MTNR1B: variants seen among roughly 807,000 people sequenced by gnomAD.
MTNR1B encodes melatonin receptor 1B, also known as melatonin receptor type 1B.
MTNR1B carries 7 observed loss-of-function variants against 7.0 expected under a neutral mutation model. The ratio of observed to expected loss-of-function variants is 1.00; its 90% CI spans 0.57 to 1.88. MTNR1B has a LOEUF of 1.88. MTNR1B is among the 40% of genes most tolerant of loss of function. The pLI, the probability that MTNR1B is intolerant of heterozygous loss-of-function variation, is 0.00. For synonymous variants in MTNR1B, 226 were observed against 208.2 expected (o/e 1.09, Z -0.74); for missense variants, 478 against 486.5 (o/e 0.98, Z 0.16).
intron 1 of MTNR1B, chr11:92,972,470 A>G (rs1311723429): frequency 2.2e-6 from 1 of 455,734 alleles, no homozygotes; most frequent in Admixed American, 2.4e-5. Context: ...GGGATATCCT[A>G]TCTGTAGTGT....
At chr11:92,976,896 A>G (rs1858016443) in intron 1 of MTNR1B, among the ~76,000 whole-genome samples, 1 of 152,248 alleles carries the variant, frequency 6.6e-6, no homozygotes, top group Non-Finnish European at 1.5e-5. Context: ...AACAGAAATC[A>G]TGCTGTCAAC....
chr11:92,981,671 C>A lies in MTNR1B; in HGVS notation c.448C>A (p.Arg150=). 2 of 1,614,200 alleles carry A rather than the reference C, an allele frequency of 1.2e-6. No individual in the cohort carries two copies. Among genetic ancestry groups the A allele is most frequent in the Non-Finnish European group, 1.7e-6 (2 of 1,180,042 alleles). ...CATCTGCCACAGCATGGCCTACCAC[C>A]GAATCTACCGGCGCTGGCACACCCC... ...CYICHSMAYH[R]IYRRWHTPLH... is the part of the protein sequence containing the mutation. The change falls in exon 2 of 2, where the codon CGA becomes AGA. Residue 150 remains arginine (R), a synonymous_variant. Coordinates refer to ENST00000257068, the MANE Select transcript of MTNR1B (RefSeq NM_005959.5).
At chr11:92,977,668 T>A (rs546680102) in intron 1 of MTNR1B, among the ~76,000 whole-genome samples, 10 of 152,362 alleles carry the variant, frequency 6.6e-5, no homozygotes, top group Admixed American at 2.0e-4. Context: ...TTCTGGCCTT[T>A]CTTCCAGCTC....
At chr11:92,978,910 G>A (rs985095422) in intron 1 of MTNR1B, among the ~76,000 whole-genome samples, 1 of 152,188 alleles carries the variant, frequency 6.6e-6, no homozygotes, top group African/African-American at 2.4e-5. Flanking sequence ...CCGGCTCCCA[G>A]CAGCTCTTGA....
At position 92,969,686 on chromosome 11, in the gene MTNR1B, G is replaced by T. The variant is rs1168208867; in HGVS notation, c.-40G>T. On this transcript the variant is annotated 5_prime_UTR_variant, in exon 1 of 2. Coordinates refer to ENST00000257068, the MANE Select transcript of MTNR1B (RefSeq NM_005959.5). ...CTGCGCGCGCCCTGCGGCTGTCCGG[G>T]GCCGCGCGGTGGCCAAAGCACAGCG... 8.6e-6 allele frequency: 12 copies of T among 1,399,554 alleles called. No homozygotes were observed. Among genetic ancestry groups the T allele is most frequent in the Non-Finnish European group, 1.1e-5 (12 of 1,077,172 alleles). The allele number at this position is 1,399,554 out of a possible 1,614,324, so 86.7% of individuals were successfully genotyped here.
Position 92,969,716 on chromosome 11 carries a change from A to G in MTNR1B, c.-10A>G. On this transcript the variant is annotated 5_prime_UTR_variant, in exon 1 of 2. Transcript: ENST00000257068. ...CGCGGTGGCCAAAGCACAGCGCGGG[A>G]GAGTCTGCGATGTCAGAGAACGGCT... 1 of 1,466,306 alleles carries G rather than the reference A, an allele frequency of 6.8e-7. No individual in the cohort carries two copies. The highest frequency in any genetic ancestry group is 9.0e-7 in the Non-Finnish European group (1 of 1,109,336). The allele number at this position is 1,466,306 out of a possible 1,614,324, so 90.8% of individuals were successfully genotyped here.
chr11:92,980,699 GC>G (rs1179012853), intron 1 of MTNR1B, among the ~76,000 whole-genome samples: 5 of 152,160 alleles, frequency 3.3e-5, no homozygotes, highest in African/African-American at 1.2e-4. Context: ...AAGCAGGGAG[GC>G]CCCCCAGAGG....
intron 1 of MTNR1B, among the ~76,000 whole-genome samples, chr11:92,971,347 TAAG>T (rs149733705): frequency 0.012 from 1,847 of 152,280 alleles, 34 homozygotes; most frequent in African/African-American, 0.042. Context: ...ATAACATTAT[TAAG>T]AAGAAGTAAA....
intron 1 of MTNR1B, among the ~76,000 whole-genome samples, chr11:92,978,562 C>T (rs1858046877): frequency 6.6e-6 from 1 of 152,134 alleles, no homozygotes; most frequent in South Asian, 2.1e-4. Context: ...AACTGGATCT[C>T]CCCTTGACTA....
Position 92,970,000 on chromosome 11 carries a change from C to G in MTNR1B, c.223+52C>G, listed in dbSNP as rs1442821735. ...CTGGCATCGGGCCCTTCCTTGTCTTCTGATCTTGTCCCTGACCCCGGGATA... is the reference window on the plus strand; with the variant it reads ...CTGGCATCGGGCCCTTCCTTGTCTTGTGATCTTGTCCCTGACCCCGGGATA... On this transcript the variant is annotated intron_variant, in intron 1 of 1. Coordinates refer to ENST00000257068, the MANE Select transcript of MTNR1B (RefSeq NM_005959.5). The G allele has an allele frequency of 3.4e-6, 5 of 1,483,050 alleles. No individual in the cohort carries two copies. The Admixed American group carries it at 8.2e-5, about 24-fold the overall frequency. The allele number at this position is 1,483,050 out of a possible 1,614,324, so 91.9% of individuals were successfully genotyped here.
chr11:92,977,332 C>T (rs1022663710), intron 1 of MTNR1B, among the ~76,000 whole-genome samples: 1 of 152,144 alleles, frequency 6.6e-6, no homozygotes, highest in Non-Finnish European at 1.5e-5. Context: ...TAATTACAAG[C>T]TTACAATAAA....
chr11:92,982,909 ATAG>A (rs1313556768), downstream of MTNR1B: 1 of 137,454 alleles, frequency 7.3e-6, no homozygotes, highest in Middle Eastern at 4.2e-3. Flanking sequence ...TTACACACAC[ATAG>A]CCACCACATC....
intron 1 of MTNR1B, among the ~76,000 whole-genome samples, chr11:92,976,483 G>T (rs1279747175): frequency 6.6e-6 from 1 of 151,684 alleles, no homozygotes; most frequent in Non-Finnish European, 1.5e-5. Context: ...CTTGTTATAT[G>T]CCAGATTCAA....
Position 92,982,350 on chromosome 11 carries a change from T to G in MTNR1B, c.*38T>G. 6.3e-7 allele frequency: 1 copy of G among 1,585,228 alleles called. No homozygotes were observed. The highest frequency in any genetic ancestry group is 1.4e-5 in the African/African-American group (1 of 73,926). The stretch of plus-strand genomic sequence containing the variant: ...GCACACCAGCAGCATGACAAACTCA[T>G]GAAATGGTGGGAGAGAGTCTGCTGC... On this transcript the variant is annotated 3_prime_UTR_variant, in exon 2 of 2. Transcript: ENST00000257068.
intron 1 of MTNR1B, among the ~76,000 whole-genome samples, chr11:92,970,879 T>C (rs1196080174): frequency 1.3e-5 from 2 of 152,184 alleles, no homozygotes; most frequent in Non-Finnish European, 2.9e-5. Context: ...AAAACAACCA[T>C]ATAGCTTAAA....
In MTNR1B at chr11:92,981,890, A is replaced by G; in HGVS notation, c.667A>G (p.Ile223Val). The change falls in exon 2 of 2, where the codon ATC becomes GTC. Residue 223 changes from isoleucine to valine, a missense_variant. Physicochemically the swap from Ile to Val is conservative, Grantham distance 29. Transcript: ENST00000257068. ...TGTCGTGTCCTTCTGCTACCTGCGC[A>G]TCTGGGTGCTGGTGCTTCAGGCCCG... ...IAVVSFCYLR[I>V]WVLVLQARRK... 6.2e-7 allele frequency: 1 copy of G among 1,614,138 alleles called. No homozygotes were observed. Among genetic ancestry groups the G allele is most frequent in the Non-Finnish European group, 8.5e-7 (1 of 1,180,024 alleles).
chr11:92,981,839 G>T lies in MTNR1B; in HGVS notation c.616G>T (p.Val206Phe). 6.2e-7 allele frequency: 1 copy of T among 1,614,198 alleles called. No homozygotes were observed. Among genetic ancestry groups the T allele is most frequent in the Non-Finnish European group, 8.5e-7 (1 of 1,180,046 alleles). Residue 206 changes from valine (V) to phenylalanine (F), a missense_variant, in exon 2 of 2, where the codon GTC becomes TTC. Transcript: ENST00000257068. Reference protein sequence around the residue: ...ASTQYTAAVVVIHFLLPIAVV... With the variant: ...ASTQYTAAVVFIHFLLPIAVV... ...CACCCAGTACACGGCGGCAGTGGTGGTCATCCACTTCCTCCTCCCTATCGC... is the reference window on the plus strand; with the variant it reads ...CACCCAGTACACGGCGGCAGTGGTGTTCATCCACTTCCTCCTCCCTATCGC...
chr11:92,975,389 A>G (rs528586002), intron 1 of MTNR1B, among the ~76,000 whole-genome samples: 5 of 152,352 alleles, frequency 3.3e-5, no homozygotes, highest in African/African-American at 1.2e-4. Flanking sequence ...TTGGTAAAGC[A>G]GAAATATATG....
chr11:92,982,197 C>A lies in MTNR1B; in HGVS notation c.974C>A (p.Ala325Asp), dbSNP rs377125337. Residue 325 changes from alanine (A) to aspartate (D), a missense_variant, in exon 2 of 2, where the codon GCC becomes GAC. Physicochemically the swap from Ala to Asp is moderately radical, Grantham distance 126 (BLOSUM62 -2). Transcript: ENST00000257068. The part of the protein sequence containing the change: ...FRREYKRILL[A>D]LWNPRHCIQD... ...AGGGAATACAAGAGGATCCTCTTGG[C>A]CCTTTGGAACCCACGGCACTGCATT... The A allele has an allele frequency of 6.8e-6, 11 of 1,614,180 alleles. No individual in the cohort carries two copies. Among genetic ancestry groups the A allele is most frequent in the Non-Finnish European group, 9.3e-6 (11 of 1,180,026 alleles).
Sources: gnomAD v4.1 joint callset for allele counts (sites outside exome capture counted in the v4.1 genomes callset) on GRCh38, gnomAD v4.1.1 for gene constraint, MANE v1.5 for transcripts, NCBI Gene and HGNC (gene_info 2026-07-23, HGNC 2026-07-21) for gene names.